APOBEC2: variants seen among roughly 807,000 people sequenced by gnomAD.
APOBEC2 encodes C->U-editing enzyme APOBEC-2.
Under a neutral mutation model 19.4 loss-of-function variants are expected in APOBEC2, and 14 were observed. The observed-to-expected ratio is 0.72, with a 90% confidence interval of 0.48 to 1.13. The LOEUF is 1.13. Ranked by LOEUF, APOBEC2 falls within the 50% of genes most tolerant of loss-of-function variation. The pLI is 0.00. For missense variants in APOBEC2, 304 were observed against 277.0 expected, an observed-to-expected ratio of 1.10 and a Z score of -0.69; for synonymous variants, 127 against 112.1, an observed-to-expected ratio of 1.13 and a Z score of -0.84.
At chr6:41,056,084 T>C (rs1422626812) in intron 1 of APOBEC2, among the ~76,000 whole-genome samples, 1 of 152,230 alleles carries the variant, frequency 6.6e-6, no homozygotes, top group Non-Finnish European at 1.5e-5. Context: ...ATTTGAGGCC[T>C]GGAGAAGGCA....
chr6:41,060,875 T>C (rs1235088967), intron 1 of APOBEC2, among the ~76,000 whole-genome samples: 2 of 152,266 alleles, frequency 1.3e-5, no homozygotes, highest in East Asian at 1.9e-4. Context: ...TGGCCACTTA[T>C]TGGAATCATC....
intron 1 of APOBEC2, 115 bp downstream of exon 1, chr6:41,053,593 C>T (rs892985994): frequency 3.4e-6 from 5 of 1,478,120 alleles, no homozygotes; most frequent in Non-Finnish European, 4.6e-6. Flanking sequence ...AACCCTGCAG[C>T]AGTGAGAGTG....
chr6:41,061,168 T>C (rs1342895801), intron 1 of APOBEC2, among the ~76,000 whole-genome samples, 160 bp from the exon 2 acceptor site: 1 of 143,350 alleles, frequency 7.0e-6, no homozygotes, highest in Non-Finnish European at 1.6e-5. Flanking sequence ...TTTTTTTTTT[T>C]TTTTTTTTTT....
At chr6:41,057,593 A>G (rs1041905680) in intron 1 of APOBEC2, among the ~76,000 whole-genome samples, 1 of 152,182 alleles carries the variant, frequency 6.6e-6, no homozygotes, top group African/African-American at 2.4e-5. Flanking sequence ...GAGAAAGCAG[A>G]AGGCCAATGA....
chr6:41,053,513 T>C, intron 1 of APOBEC2, 35 bp downstream of exon 1: 1 of 1,612,924 alleles, frequency 6.2e-7, no homozygotes, highest in Non-Finnish European at 8.5e-7. Flanking sequence ...TTCTGCTCCC[T>C]AGAAGAGTGC....
intron 2 of APOBEC2, among the ~76,000 whole-genome samples, chr6:41,062,926 AGAG>A (rs1390172901): frequency 6.6e-6 from 1 of 152,198 alleles, no homozygotes; most frequent in Non-Finnish European, 1.5e-5. Flanking sequence ...TTCCAGTAAT[AGAG>A]GAGGGGTACT....
chr6:41,057,505 G>A (rs1296533051), intron 1 of APOBEC2, among the ~76,000 whole-genome samples: 1 of 152,142 alleles, frequency 6.6e-6, no homozygotes, highest in South Asian at 2.1e-4. Flanking sequence ...GAGTCAGGCT[G>A]CTAGAACCCT....
intron 1 of APOBEC2, among the ~76,000 whole-genome samples, chr6:41,057,028 A>ATG: frequency 6.6e-6 from 1 of 152,238 alleles, no homozygotes; most frequent in South Asian, 2.1e-4. Context: ...AGCACCCTTG[A>ATG]TGTGAGCTTG....
intron 2 of APOBEC2, among the ~76,000 whole-genome samples, chr6:41,063,529 T>TA (rs1305118553): frequency 7.6e-6 from 1 of 130,756 alleles, no homozygotes; most frequent in East Asian, 2.3e-4. Context: ...AGCAAGTCCT[T>TA]AGAGCTTTTT....
In APOBEC2 at chr6:41,064,129, A is replaced by G. The variant is rs1316989684; in HGVS notation, c.*50A>G. The G allele has an allele frequency of 6.6e-6, 1 of 152,610 alleles. No homozygotes were observed. Among genetic ancestry groups the G allele is most frequent in the African/African-American group, 2.4e-5 (1 of 41,422 alleles). The allele number at this position is 152,610 out of a possible 1,614,324, so 9.5% of individuals were successfully genotyped here. A position where few individuals can be genotyped will look rare whatever the true frequency, so the allele number is the denominator to read the frequency against. ...TTCCTGCTGCCACCAAGAGACAGCA[A>G]TGACATGTACAGCCATCTGGGACAT... On this transcript the variant is annotated 3_prime_UTR_variant, in exon 3 of 3. Coordinates refer to ENST00000244669, the MANE Select transcript of APOBEC2 (RefSeq NM_006789.4).
At position 41,053,298 on chromosome 6, in the gene APOBEC2, C is replaced by T; in HGVS notation, c.-50C>T. ...TCTGCCGCCAGGGCCTGGCCCAGACCTGCCTGCCTCTCTCCTCTCCCTCAG... is the reference window on the plus strand; with the variant it reads ...TCTGCCGCCAGGGCCTGGCCCAGACTTGCCTGCCTCTCTCCTCTCCCTCAG... On this transcript the variant is annotated 5_prime_UTR_variant, in exon 1 of 3. Transcript: ENST00000244669. 2 of 1,595,028 alleles carry T rather than the reference C, an allele frequency of 1.3e-6. No individual in the cohort carries two copies. Among genetic ancestry groups the T allele is most frequent in the Admixed American group, 3.4e-5 (2 of 58,402 alleles).
chr6:41,064,410 C>T lies in APOBEC2; in HGVS notation c.*331C>T, dbSNP rs1480106259. ...CAAGGGGGCTGCTTAACACAAACAG[C>T]CTCAGACCCGAGGTTTAGATTTCTG... is the stretch of plus-strand genomic sequence containing the variant. On this transcript the variant is annotated 3_prime_UTR_variant, in exon 3 of 3. Coordinates refer to ENST00000244669, the MANE Select transcript of APOBEC2 (RefSeq NM_006789.4). 2 of 152,118 alleles carry T rather than the reference C, an allele frequency of 1.3e-5. No homozygotes were observed. The highest frequency in any genetic ancestry group is 3.8e-4 in the East Asian group (2 of 5,200). 9.4% of individuals were successfully genotyped at this position (152,118 alleles called of 1,614,324 possible). A position where few individuals can be genotyped will look rare whatever the true frequency, so the allele number is the denominator to read the frequency against.
At chr6:41,056,482 G>T (rs546218792) in intron 1 of APOBEC2, among the ~76,000 whole-genome samples, 78 of 152,342 alleles carry the variant, frequency 5.1e-4, no homozygotes, top group African/African-American at 1.8e-3. Context: ...TCTTTCAGGT[G>T]AGGAAACTAA....
chr6:41,062,607 C>T (rs1415538969), intron 2 of APOBEC2, among the ~76,000 whole-genome samples: 1 of 152,174 alleles, frequency 6.6e-6, no homozygotes, highest in Non-Finnish European at 1.5e-5. Context: ...CTAGTCCATG[C>T]AGGAACATTT....
chr6:41,053,529 TG>T, intron 1 of APOBEC2, 51 bp downstream of exon 1: 2 of 1,599,420 alleles, frequency 1.3e-6, no homozygotes, highest in Non-Finnish European at 1.7e-6. Flanking sequence ...AGTGCAGCCT[TG>T]GGTTAGGCTG....
intron 1 of APOBEC2, among the ~76,000 whole-genome samples, chr6:41,057,305 G>A (rs1762809308): frequency 6.6e-6 from 1 of 152,104 alleles, no homozygotes; most frequent in Admixed American, 6.5e-5. Context: ...GAGCACGCTG[G>A]GTGGTGTGTC....
chr6:41,053,838 C>G (rs1174748073), intron 1 of APOBEC2, among the ~76,000 whole-genome samples: 1 of 152,180 alleles, frequency 6.6e-6, no homozygotes, highest in Admixed American at 6.5e-5. Context: ...ACTGGCACAT[C>G]TATATGTGGC....
Position 41,061,374 on chromosome 6 carries a change from G to T in APOBEC2, c.178G>T (p.Glu60Ter). 1 of 1,558,316 alleles carries T rather than the reference G, an allele frequency of 6.4e-7. No individual in the cohort carries two copies. Among genetic ancestry groups the T allele is most frequent in the Non-Finnish European group, 8.7e-7 (1 of 1,153,990 alleles). ...CTTTAAATTCCAGTTCCGGAATGTG[G>T]AGTACAGTTCCGGGAGGAACAAGAC... The part of the protein sequence containing the change: ...NFFKFQFRNV[E>*]YSSGRNKTFL... The change falls in exon 2 of 3, where the codon GAG becomes TAG. Residue 60 changes from glutamate to a stop codon, truncating the protein, a stop_gained. Transcript: ENST00000244669. LOFTEE classifies it high-confidence loss of function.
At chr6:41,055,757 T>TAACATGGTAGAATGTTCTGG (rs1187285394) in intron 1 of APOBEC2, among the ~76,000 whole-genome samples, 7 of 152,278 alleles carry the variant, frequency 4.6e-5, no homozygotes, top group African/African-American at 1.7e-4. Context: ...ATTAACAAAA[T>TAACATGGTAGAATGTTCTGG]AACATGGTAG....
Sources: allele counts gnomAD v4.1 joint callset (sites outside exome capture counted in the v4.1 genomes callset), GRCh38; gene constraint gnomAD v4.1.1; transcripts MANE v1.5; gene names NCBI Gene and HGNC (gene_info 2026-07-23, HGNC 2026-07-21).